The following SPATA6 variants were observed in gnomAD, a reference collection of about 807,000 sequenced individuals.
SPATA6 encodes the protein spermatogenesis-associated protein 6.
Under a neutral mutation model 65.3 loss-of-function variants are expected in SPATA6, and 56 were observed. That is an observed-to-expected ratio of 0.86 (90% CI 0.69 to 1.07). SPATA6 has a LOEUF of 1.07. SPATA6 is among the 50% of genes least tolerant of loss of function. The probability of loss-of-function intolerance (pLI) is 0.00; values close to 1 mark genes in which losing one functional copy is unlikely to be tolerated. For missense variants in SPATA6, 590 were observed against 594.8 expected (o/e 0.99, Z 0.08); for synonymous variants, 199 against 213.2 (o/e 0.93, Z 0.58).
At chr1:48,311,304 T>G (rs1645201182) in intron 11 of SPATA6, among the ~76,000 whole-genome samples, 1 of 152,098 alleles carries the variant, frequency 6.6e-6, no homozygotes, top group East Asian at 1.9e-4. Flanking sequence ...TTTGACAATG[T>G]TTTAGTTAGA....
At chr1:48,305,496 TA>T (rs771119494) in intron 12 of SPATA6, among the ~76,000 whole-genome samples, 45 of 152,204 alleles carry the variant, frequency 3.0e-4, no homozygotes, top group Admixed American at 1.0e-3. Context: ...GTTCATGGTG[TA>T]AAATTATAAG....
intron 3 of SPATA6, among the ~76,000 whole-genome samples, chr1:48,413,579 G>T (rs1216685371): frequency 6.6e-6 from 1 of 151,060 alleles, no homozygotes; most frequent in African/African-American, 2.4e-5. Context: ...TGGGATTACA[G>T]GTGTGAGCCA....
At chr1:48,415,654 AC>A (rs1344912048) in intron 3 of SPATA6, among the ~76,000 whole-genome samples, 38 of 148,046 alleles carry the variant, frequency 2.6e-4, no homozygotes, top group African/African-American at 9.6e-4. Context: ...GAAAAAAAAA[AC>A]CACAACAGAA....
the SPATA6 span, chr1:48,262,952 A>G: frequency 6.6e-6 from 1 of 152,172 alleles, no homozygotes; most frequent in African/African-American, 2.4e-5. Flanking sequence ...ATGTCTAAAT[A>G]ATGGTGACCA....
intron 11 of SPATA6, among the ~76,000 whole-genome samples, chr1:48,347,890 A>C (rs533045515): frequency 1.3e-5 from 2 of 152,044 alleles, no homozygotes; most frequent in Admixed American, 6.6e-5. Context: ...CAGCTGCAGG[A>C]AGATTGTCTC....
intron 3 of SPATA6, among the ~76,000 whole-genome samples, chr1:48,442,755 C>A (rs548109035): frequency 3.7e-4 from 52 of 141,082 alleles, no homozygotes; most frequent in African/African-American, 1.3e-3. Flanking sequence ...ACAGTGTACC[C>A]TATTCCTTTA....
At chr1:48,462,208 C>T (rs538951023) in intron 1 of SPATA6, among the ~76,000 whole-genome samples, 33 of 147,734 alleles carry the variant, frequency 2.2e-4, no homozygotes, top group African/African-American at 1.7e-4. Context: ...GTGGGGGGAG[C>T]GGGGAGGGAT....
chr1:48,314,371 C>G lies in SPATA6; in HGVS notation c.1195-8493G>C, dbSNP rs1247736255. Among the ~76,000 whole-genome samples, 4 of 152,064 alleles carry G rather than the reference C, an allele frequency of 2.6e-5. No homozygotes were observed. The East Asian group carries it at 7.7e-4, about 29-fold the overall frequency. On this transcript the variant is annotated intron_variant, in intron 11 of 12. Coordinates refer to ENST00000371847, the MANE Select transcript of SPATA6 (RefSeq NM_019073.4). Reference sequence around the variant, plus strand: ...AGACCACAGTGCAATCAAACTAGAACTCAGGATTAAGAAACTCACTCAAAA... The same window carrying G: ...AGACCACAGTGCAATCAAACTAGAAGTCAGGATTAAGAAACTCACTCAAAA...
At chr1:48,401,684 A>C (rs1187900841) in intron 6 of SPATA6, among the ~76,000 whole-genome samples, 2 of 152,120 alleles carry the variant, frequency 1.3e-5, no homozygotes, top group Non-Finnish European at 2.9e-5. Flanking sequence ...TAGAAATTTA[A>C]GATCCTTCCC....
intron 3 of SPATA6, among the ~76,000 whole-genome samples, chr1:48,439,475 A>C (rs764813959): frequency 6.6e-6 from 1 of 151,672 alleles, no homozygotes; most frequent in Non-Finnish European, 1.5e-5. Context: ...TTCTTGGGCA[A>C]GAGTGATTTC....
At chr1:48,361,363 T>C (rs1013502532) in intron 9 of SPATA6, among the ~76,000 whole-genome samples, 7 of 152,076 alleles carry the variant, frequency 4.6e-5, no homozygotes, top group Non-Finnish European at 7.4e-5. Flanking sequence ...TAAATATAAC[T>C]TGATAGGTCA....
intron 12 of SPATA6, among the ~76,000 whole-genome samples, chr1:48,300,023 G>A (rs567795356): frequency 1.3e-5 from 2 of 152,286 alleles, no homozygotes; most frequent in South Asian, 4.1e-4. Flanking sequence ...GTGGGAGAGA[G>A]AGAGAGAGCG....
chr1:48,269,775 CATAA>C, the SPATA6 span, among the ~76,000 whole-genome samples: 1 of 151,040 alleles, frequency 6.6e-6, no homozygotes, highest in Non-Finnish European at 1.5e-5. Context: ...ATATAACAAA[CATAA>C]ATAAATCATA....
chr1:48,346,922 C>A (rs968451557), intron 11 of SPATA6, among the ~76,000 whole-genome samples: 4 of 151,948 alleles, frequency 2.6e-5, no homozygotes, highest in African/African-American at 9.7e-5. Context: ...CAATGCTATT[C>A]CTATTAAACT....
At chr1:48,425,060 T>C (rs529066035) in intron 3 of SPATA6, among the ~76,000 whole-genome samples, 18 of 152,310 alleles carry the variant, frequency 1.2e-4, no homozygotes, top group African/African-American at 4.3e-4. Flanking sequence ...CAAGAAGTCT[T>C]TGCCCTGACC....
At position 48,413,134 on chromosome 1, in the gene SPATA6, C is replaced by T. The variant is rs754466739; in HGVS notation, c.256G>A (p.Glu86Lys). ...TQLEYDTAVF[E>K]LIQLVPPVGE... is the part of the protein sequence containing the mutation. The stretch of plus-strand genomic sequence containing the variant: ...CCTGGTGGAACTAGCTGTATCAACT[C>T]GAACACTGCTGTATCATCTAAAAGT... Residue 86 changes from glutamate to lysine, a missense_variant, in exon 4 of 13, where the codon GAG (glutamate) becomes AAG (lysine). By Grantham distance (56) the Glu-to-Lys change is moderately conservative. Transcript: ENST00000371847. 6.4e-6 allele frequency: 9 copies of T among 1,399,056 alleles called. No individual in the cohort carries two copies. Among genetic ancestry groups the T allele is most frequent in the South Asian group, 1.7e-5 (1 of 58,138 alleles). 86.7% of individuals were successfully genotyped at this position (1,399,056 alleles called of 1,614,324 possible).
chr1:48,356,985 T>C (rs1160881053), intron 10 of SPATA6, among the ~76,000 whole-genome samples: 1 of 152,160 alleles, frequency 6.6e-6, no homozygotes, highest in African/African-American at 2.4e-5. Flanking sequence ...ACTTTGTTAT[T>C]TGCAATATAT....
chr1:48,279,088 A>G, the SPATA6 span, among the ~76,000 whole-genome samples: 8 of 152,196 alleles, frequency 5.3e-5, no homozygotes, highest in Admixed American at 5.2e-4. Context: ...ACTAAGCTTC[A>G]TAAGTGAAGG....
rs180704245 is a variant in SPATA6 at position 48,423,611 on chromosome 1, A to C, written c.239-10460T>G. On this transcript the variant is annotated intron_variant, in intron 3 of 12. Coordinates refer to ENST00000371847, the MANE Select transcript of SPATA6 (RefSeq NM_019073.4). ...CACACAGGCTGGAGAGCAATGGCAC[A>C]ATCTCGGCTCACTGCAAACTCCACC... Among the ~76,000 whole-genome samples the C allele has an allele frequency of 6.3e-4, 89 of 142,042 alleles. No homozygotes were observed. The Middle Eastern group carries it at 0.015, about 24-fold the overall frequency. 93.2% of individuals were successfully genotyped at this position (142,042 alleles called of 152,430 possible). A position where few individuals can be genotyped will look rare whatever the true frequency, so the allele number is the denominator to read the frequency against.
Sources: gnomAD v4.1 joint callset for allele counts (sites outside exome capture counted in the v4.1 genomes callset) on GRCh38, gnomAD v4.1.1 for gene constraint, MANE v1.5 for transcripts, NCBI Gene and HGNC (gene_info 2026-07-23, HGNC 2026-07-21) for gene names.